AHSA1: variants seen among roughly 807,000 people sequenced by gnomAD.
The protein encoded by AHSA1 is activator of HSP90 ATPase activity 1.
A neutral mutation model predicts 46.1 loss-of-function variants in AHSA1; 14 were observed. That is an observed-to-expected ratio of 0.30 (90% CI 0.20 to 0.47). AHSA1 has a LOEUF of 0.47. Among genes scored for constraint, AHSA1 ranks in the 20% least tolerant of loss-of-function variants. The pLI is 0.99. For synonymous variants in AHSA1, 147 were observed against 145.8 expected (o/e 1.01, Z -0.06); for missense variants, 333 against 415.9 (o/e 0.80, Z 1.73).
At position 77,464,697 on chromosome 14, in the gene AHSA1, T is replaced by G; in HGVS notation, c.561+11T>G. 1.9e-6 allele frequency: 3 copies of G among 1,611,086 alleles called. No homozygotes were observed. The highest frequency in any genetic ancestry group is 2.5e-6 in the Non-Finnish European group (3 of 1,178,992). ...ACTGAGGAGCGCAAGGTAAATGGTTTTCCTGGGGTGGGAGACTGTCTGCAA... is the reference window on the plus strand; with the variant it reads ...ACTGAGGAGCGCAAGGTAAATGGTTGTCCTGGGGTGGGAGACTGTCTGCAA... On this transcript the variant is annotated intron_variant, in intron 5 of 8. Coordinates refer to ENST00000216479, the MANE Select transcript of AHSA1 (RefSeq NM_012111.3).
intron 1 of AHSA1, 121 bp downstream of exon 1, chr14:77,458,390 TG>T: frequency 9.7e-7 from 1 of 1,033,944 alleles, no homozygotes; most frequent in Non-Finnish European, 1.4e-6. Flanking sequence ...GAGATGGGGG[TG>T]GGTCCTTCCT....
In AHSA1 at chr14:77,462,759, G is replaced by C; in HGVS notation, c.472G>C (p.Glu158Gln). The stretch of plus-strand genomic sequence containing the variant: ...AATTTACATCAGCACCCTCAAAACA[G>C]GTATCCCTTGAGTAGTTCTGTATGC... The part of the protein sequence containing the change: ...MGIYISTLKT[E>Q]FTQGMILPTM... Residue 158 changes from glutamate (E) to glutamine (Q), a missense_variant and splice_region_variant, in exon 4 of 9, where the codon GAG becomes CAG. Glu to Gln is a conservative substitution (Grantham distance 29). Coordinates refer to ENST00000216479, the MANE Select transcript of AHSA1 (RefSeq NM_012111.3). 1 of 1,613,080 alleles carries C rather than the reference G, an allele frequency of 6.2e-7. No individual in the cohort carries two copies. Among genetic ancestry groups the C allele is most frequent in the Non-Finnish European group, 8.5e-7 (1 of 1,179,164 alleles).
intron 6 of AHSA1, among the ~76,000 whole-genome samples, chr14:77,467,816 A>G (rs774537835): frequency 2.4e-4 from 37 of 152,382 alleles, no homozygotes; most frequent in South Asian, 4.1e-4. Context: ...GCTCATTCTT[A>G]TATCTTTCTG....
In AHSA1 at chr14:77,458,095, T is replaced by C; in HGVS notation, c.-95T>C. 8.7e-7 allele frequency: 1 copy of C among 1,153,892 alleles called. No individual in the cohort carries two copies. Among genetic ancestry groups the C allele is most frequent in the East Asian group, 3.1e-5 (1 of 32,088 alleles). The allele number at this position is 1,153,892 out of a possible 1,614,324, so 71.5% of individuals were successfully genotyped here. ...AGGAGGTGCTTGCGGCCGCTTCTAGTAGTTTCCAGGCGCTGCCGGGCGGCT... is the reference window on the plus strand; with the variant it reads ...AGGAGGTGCTTGCGGCCGCTTCTAGCAGTTTCCAGGCGCTGCCGGGCGGCT... On this transcript the variant is annotated 5_prime_UTR_variant, in exon 1 of 9. Transcript: ENST00000216479.
At position 77,468,474 on chromosome 14, in the gene AHSA1, T is replaced by C. The variant is rs755631033; in HGVS notation, c.810T>C (p.Ile270=). ...TATTTTAGGTCCCTGAGAAACATAT[T>C]GTGATGAAGTGGAGGTTTAAATCTT... ...EFTDLVPEKH[I]VMKWRFKSWP... Residue 270 remains isoleucine, a synonymous_variant, in exon 8 of 9, where the codon ATT becomes ATC. Coordinates refer to ENST00000216479, the MANE Select transcript of AHSA1 (RefSeq NM_012111.3). The C allele has an allele frequency of 6.2e-7, 1 of 1,613,540 alleles. No individual in the cohort carries two copies. The highest frequency in any genetic ancestry group is 8.5e-7 in the Non-Finnish European group (1 of 1,179,592).
intron 6 of AHSA1, among the ~76,000 whole-genome samples, chr14:77,465,872 G>A (rs1247574777): frequency 1.3e-5 from 2 of 151,976 alleles, no homozygotes; most frequent in Non-Finnish European, 2.9e-5. Context: ...ACCTGCCCAG[G>A]CTGGAGTGCA....
intron 7 of AHSA1, 43 bp from the exon 8 acceptor site, chr14:77,468,414 C>T (rs771018992): frequency 4.5e-6 from 7 of 1,553,786 alleles, no homozygotes; most frequent in African/African-American, 4.1e-5. Flanking sequence ...GGATTGGGTA[C>T]ATTGTAGTAT....
intron 6 of AHSA1, among the ~76,000 whole-genome samples, chr14:77,466,620 C>A (rs1299875186): frequency 6.6e-6 from 1 of 152,204 alleles, no homozygotes; most frequent in Non-Finnish European, 1.5e-5. Flanking sequence ...AAAATACTCT[C>A]GTGATAAGTT....
intron 2 of AHSA1, among the ~76,000 whole-genome samples, chr14:77,461,206 C>A (rs1482629377): frequency 6.6e-6 from 1 of 151,826 alleles, no homozygotes; most frequent in East Asian, 1.9e-4. Flanking sequence ...TGGTGCTTTA[C>A]CATGAAAAAG....
At chr14:77,459,843 G>A in intron 2 of AHSA1, 37 bp downstream of exon 2, 2 of 1,608,692 alleles carry the variant, frequency 1.2e-6, no homozygotes, top group East Asian at 2.2e-5. Context: ...GATTAACTGT[G>A]TTTTGTTTAA....
chr14:77,458,333 CT>C, intron 1 of AHSA1, 64 bp downstream of exon 1: 1 of 1,505,550 alleles, frequency 6.6e-7, no homozygotes, highest in Non-Finnish European at 8.9e-7. Context: ...TTCAGGGTTC[CT>C]AGAACCTCGG....
chr14:77,461,713 C>T (rs1410779367), intron 2 of AHSA1, among the ~76,000 whole-genome samples: 1 of 152,120 alleles, frequency 6.6e-6, no homozygotes, highest in East Asian at 1.9e-4. Flanking sequence ...TTTTATGTAT[C>T]CTGTGTAGCT....
intron 4 of AHSA1, chr14:77,463,005 C>T (rs565788177): frequency 2.4e-5 from 9 of 380,686 alleles, no homozygotes; most frequent in Middle Eastern, 8.4e-4. Flanking sequence ...GATGGCCTGG[C>T]GCGGTGGCTC....
chr14:77,465,863 C>G (rs1466496143), intron 6 of AHSA1, among the ~76,000 whole-genome samples, 196 bp downstream of exon 6: 10 of 151,808 alleles, frequency 6.6e-5, no homozygotes, highest in Non-Finnish European at 7.4e-5. Context: ...CGCTCTGTCA[C>G]CTGCCCAGGC....
At chr14:77,467,258 G>A (rs2079051384) in intron 6 of AHSA1, among the ~76,000 whole-genome samples, 1 of 151,898 alleles carries the variant, frequency 6.6e-6, no homozygotes, top group Non-Finnish European at 1.5e-5. Context: ...AATTAGCCAG[G>A]TATGGTGGTA....
chr14:77,459,410 TAC>T (rs980552235), intron 1 of AHSA1, among the ~76,000 whole-genome samples: 1 of 152,224 alleles, frequency 6.6e-6, no homozygotes, highest in Admixed American at 6.5e-5. Flanking sequence ...TACCATTTTC[TAC>T]AGCAGCTGTC....
chr14:77,458,188 C>G lies in AHSA1; in HGVS notation c.-2C>G. The G allele has an allele frequency of 6.5e-7, 1 of 1,529,808 alleles. No homozygotes were observed. The highest frequency in any genetic ancestry group is 8.8e-7 in the Non-Finnish European group (1 of 1,139,774). The allele number at this position is 1,529,808 out of a possible 1,614,324, so 94.8% of individuals were successfully genotyped here. A position where few individuals can be genotyped will look rare whatever the true frequency, so the allele number is the denominator to read the frequency against. On this transcript the variant is annotated 5_prime_UTR_variant, in exon 1 of 9. Coordinates refer to ENST00000216479, the MANE Select transcript of AHSA1 (RefSeq NM_012111.3). ...GCTGGTGGCGCCGCGATAGGAGAGC[C>G]GATGGCCAAGTGGGGTGAGGGAGAC...
At chr14:77,461,506 A>T (rs887345119) in intron 2 of AHSA1, among the ~76,000 whole-genome samples, 3 of 152,158 alleles carry the variant, frequency 2.0e-5, no homozygotes, top group Non-Finnish European at 4.4e-5. Flanking sequence ...ATCCAGCCTG[A>T]GCGACAGAGC....
At position 77,458,146 on chromosome 14, in the gene AHSA1, G is replaced by T. The variant is rs201323972; in HGVS notation, c.-44G>T. On this transcript the variant is annotated 5_prime_UTR_variant, in exon 1 of 9. Transcript: ENST00000216479. ...GGCACTAAGCGGTCCTGAGGCTGTG[G>T]CTACGGCTGCTCCGGAGCTGGTGGC... 1.8e-5 allele frequency: 27 copies of T among 1,500,774 alleles called. No individual in the cohort carries two copies. In the East Asian group the frequency reaches 7.3e-4, roughly 40 times the overall value. The allele number at this position is 1,500,774 out of a possible 1,614,324, so 93.0% of individuals were successfully genotyped here.
Sources: gnomAD v4.1 joint callset for allele counts (sites outside exome capture counted in the v4.1 genomes callset) on GRCh38, gnomAD v4.1.1 for gene constraint, MANE v1.5 for transcripts, NCBI Gene and HGNC (gene_info 2026-07-23, HGNC 2026-07-21) for gene names.